Variants in CACNA2D4 observed in about 807,000 individuals in gnomAD.
CACNA2D4 encodes calcium voltage-gated channel auxiliary subunit alpha2delta 4.
A neutral mutation model predicts 163.8 loss-of-function variants in CACNA2D4; 157 were observed. The ratio of observed to expected loss-of-function variants is 0.96; its 90% confidence interval spans 0.84 to 1.09. The LOEUF (loss-of-function observed/expected upper bound fraction) is 1.09. Among genes scored for constraint, CACNA2D4 ranks in the 50% least tolerant of loss-of-function variants. The pLI is 0.00. For synonymous variants in CACNA2D4, 598 were observed against 586.9 expected (o/e 1.02, Z -0.27); for missense variants, 1,410 against 1,479.9 (o/e 0.95, Z 0.78).
rs1863226025 is a variant in CACNA2D4, at chr12:1,799,136, C to T, written c.2995+539G>A. Among the ~76,000 whole-genome samples the T allele has an allele frequency of 6.6e-6, 1 of 152,118 alleles. No individual in the cohort carries two copies. Among genetic ancestry groups the T allele is most frequent in the African/African-American group, 2.4e-5 (1 of 41,418 alleles). On this transcript the variant is annotated intron_variant, in intron 34 of 37. Transcript: ENST00000382722. The surrounding 1 kb of genome is among the most constrained non-coding windows in gnomAD (Gnocchi z 4.7). ...CTGCAGTCATGGAGGGCCCAGGCGCCCGGGCAGTGAGTGCTTTGAAAGGCC... is the reference window on the plus strand; with the variant it reads ...CTGCAGTCATGGAGGGCCCAGGCGCTCGGGCAGTGAGTGCTTTGAAAGGCC...
chr12:1,884,911 A>G, intron 10 of CACNA2D4, 30 bp from the exon 11 acceptor site: 1 of 1,605,752 alleles, frequency 6.2e-7, no homozygotes, highest in Non-Finnish European at 8.5e-7. Flanking sequence ...GCCCATGACC[A>G]CAGGCCAAGC....
intron 26 of CACNA2D4, among the ~76,000 whole-genome samples, chr12:1,816,128 G>A (rs555175415): frequency 2.6e-5 from 4 of 152,278 alleles, no homozygotes; most frequent in South Asian, 2.1e-4. Context: ...TGCTCTGCTC[G>A]TTCAGGTGAG....
intron 6 of CACNA2D4, among the ~76,000 whole-genome samples, chr12:1,901,324 A>C (rs894027829): frequency 4.6e-5 from 7 of 152,122 alleles, no homozygotes; most frequent in African/African-American, 1.7e-4. Flanking sequence ...AAAAGTTAGT[A>C]GAAGAAAAGA....
intron 26 of CACNA2D4, chr12:1,823,364 A>T (rs1864186606): frequency 6.6e-6 from 1 of 152,228 alleles, no homozygotes; most frequent in Non-Finnish European, 1.5e-5. Context: ...AGGTGCATGG[A>T]GCGGTCCAGG....
intron 37 of CACNA2D4, chr12:1,795,051 C>G: frequency 1.7e-6 from 1 of 582,452 alleles, no homozygotes; most frequent in East Asian, 2.8e-5. Flanking sequence ...ATGCACCTAT[C>G]ACCCTAATCA....
At position 1,884,993 on chromosome 12, in the gene CACNA2D4, C is replaced by T; in HGVS notation, c.1152G>A (p.Leu384=). 6.2e-7 allele frequency: 1 copy of T among 1,613,762 alleles called. No individual in the cohort carries two copies. Among genetic ancestry groups the T allele is most frequent in the Non-Finnish European group, 8.5e-7 (1 of 1,179,666 alleles). The change falls in exon 10 of 38, where the codon CTG becomes CTA. Residue 384 remains leucine (L), a synonymous_variant. Transcript: ENST00000382722. ...DQALREAFQI[L]KQFQEAKQGS... The stretch of plus-strand genomic sequence containing the variant: ...GCCTCATTACAGTGGGCACCTGCTT[C>T]AGGATCTGGAAGGCTTCTCTCAGGG...
chr12:1,794,133 C>T (rs554160176), intron 37 of CACNA2D4, among the ~76,000 whole-genome samples: 5 of 152,308 alleles, frequency 3.3e-5, no homozygotes, highest in Non-Finnish European at 7.3e-5. Flanking sequence ...GTACCAGCCA[C>T]TATGACTATT....
At chr12:1,905,261 T>C (rs754929137) in intron 6 of CACNA2D4, among the ~76,000 whole-genome samples, 28 of 152,230 alleles carry the variant, frequency 1.8e-4, no homozygotes, top group Non-Finnish European at 3.7e-4. Flanking sequence ...TCATACTCTA[T>C]GGTGAAAGAC....
At chr12:1,852,209 C>T (rs1229581410) in intron 23 of CACNA2D4, among the ~76,000 whole-genome samples, 1 of 152,116 alleles carries the variant, frequency 6.6e-6, no homozygotes, top group African/African-American at 2.4e-5. Context: ...ATTCTAATTG[C>T]CTCTGCTTGC....
rs377423092 is a variant in CACNA2D4 at position 1,858,640 on chromosome 12, C to T, written c.1945G>A (p.Gly649Arg). ...TDISDTPFSL[G>R]VVLSRGHGEY... ...CCGTGGCCCCGGGACAGCACCACCC[C>T]CAAACTGTGGGGAGAGAAGAGAAGG... is the stretch of plus-strand genomic sequence containing the variant. Residue 649 changes from glycine to arginine, a missense_variant, in exon 20 of 38, where the codon GGG (glycine) becomes AGG (arginine). By Grantham distance (125) the Gly-to-Arg change is moderately radical. Transcript: ENST00000382722. 53 of 1,600,652 alleles carry T rather than the reference C, an allele frequency of 3.3e-5. No individual in the cohort carries two copies. Among genetic ancestry groups the T allele is most frequent in the Non-Finnish European group, 4.4e-5 (52 of 1,172,974 alleles).
chr12:1,877,386 T>C (rs774156813), intron 16 of CACNA2D4, among the ~76,000 whole-genome samples: 5 of 152,156 alleles, frequency 3.3e-5, no homozygotes, highest in Non-Finnish European at 5.9e-5. Flanking sequence ...GAGTGACATG[T>C]TATGGGCTCA....
intron 3 of CACNA2D4, among the ~76,000 whole-genome samples, chr12:1,911,087 A>T (rs1866804850): frequency 6.9e-6 from 1 of 144,312 alleles, no homozygotes; most frequent in African/African-American, 2.6e-5. Context: ...GTGGTGGTGC[A>T]ATCTCGGCTC....
In CACNA2D4 at chr12:1,868,753, A is replaced by G. The variant is rs139053165; in HGVS notation, c.1878+5851T>C. On this transcript the variant is annotated intron_variant, in intron 18 of 37. Transcript: ENST00000382722. ...AAGTACAGTTGGTCCTCCCATATCC[A>G]CAGGTTCCACATCCCTGGATTCGAT... Among the ~76,000 whole-genome samples, 18 of 152,258 alleles carry G rather than the reference A, an allele frequency of 1.2e-4. No individual in the cohort carries two copies. In the East Asian group the frequency reaches 3.5e-3, roughly 29 times the overall value.
intron 6 of CACNA2D4, among the ~76,000 whole-genome samples, chr12:1,902,161 A>T (rs2154451278): frequency 6.6e-6 from 1 of 150,622 alleles, no homozygotes; most frequent in African/African-American, 2.5e-5. Context: ...AAAATTCAAC[A>T]TTTCTTCATG....
chr12:1,844,609 A>C lies in CACNA2D4; in HGVS notation c.2343-80T>G. ...TCTTTCCTTTTCTCACACAAGGTCA[A>C]CTTGGCTGGGCTAAGAGAGTGATTT... On this transcript the variant is annotated intron_variant, in intron 24 of 37. Transcript: ENST00000382722. The surrounding 1 kb of genome is among the most constrained non-coding windows in gnomAD (Gnocchi z 4.2). 2 of 1,496,550 alleles carry C rather than the reference A, an allele frequency of 1.3e-6. No homozygotes were observed. Among genetic ancestry groups the C allele is most frequent in the Admixed American group, 1.8e-5 (1 of 55,970 alleles). The allele number at this position is 1,496,550 out of a possible 1,614,324, so 92.7% of individuals were successfully genotyped here. A position where few individuals can be genotyped will look rare whatever the true frequency, so the allele number is the denominator to read the frequency against.
At position 1,833,498 on chromosome 12, in the gene CACNA2D4, C is replaced by A. The variant is rs1864720371; in HGVS notation, c.2551+7241G>T. ...AAGACATCCTGGCGAGCCCGTGCGC[C>A]CAGGTACCCACACCTCCTCATCAAC... is the stretch of plus-strand genomic sequence containing the variant. On this transcript the variant is annotated intron_variant, in intron 26 of 37. Coordinates refer to ENST00000382722, the MANE Select transcript of CACNA2D4 (RefSeq NM_172364.5). The surrounding 1 kb of genome is among the most constrained non-coding windows in gnomAD (Gnocchi z 4.2). Among the ~76,000 whole-genome samples the A allele has an allele frequency of 6.6e-6, 1 of 152,166 alleles. No homozygotes were observed. Among genetic ancestry groups the A allele is most frequent in the African/African-American group, 2.4e-5 (1 of 41,424 alleles).
chr12:1,901,070 T>C (rs1468078236), intron 6 of CACNA2D4, among the ~76,000 whole-genome samples: 1 of 152,032 alleles, frequency 6.6e-6, no homozygotes, highest in Non-Finnish European at 1.5e-5. Flanking sequence ...TACAGAAACA[T>C]GGAAATTAAA....
At chr12:1,899,250 T>C (rs1168797005) in intron 6 of CACNA2D4, among the ~76,000 whole-genome samples, 1 of 152,034 alleles carries the variant, frequency 6.6e-6, no homozygotes, top group Non-Finnish European at 1.5e-5. Context: ...GCTATGTGTC[T>C]CATTTAAGAA....
rs1381106735 is a variant in CACNA2D4 at position 1,802,330 on chromosome 12, T to G, written c.2722-686A>C. Among the ~76,000 whole-genome samples, 1 of 152,180 alleles carries G rather than the reference T, an allele frequency of 6.6e-6. No homozygotes were observed. The highest frequency in any genetic ancestry group is 1.5e-5 in the Non-Finnish European group (1 of 68,022). On this transcript the variant is annotated intron_variant, in intron 29 of 37. Coordinates refer to ENST00000382722, the MANE Select transcript of CACNA2D4 (RefSeq NM_172364.5). This position sits in a 1 kb window ranked among gnomAD's most constrained non-coding sequence, Gnocchi z 4.7. ...CCCTGTGGCACTGCCAGAGTCATCT[T>G]ACTCAAATGCAACATGGATGGGTCA...
Sources: allele counts gnomAD v4.1 joint callset (sites outside exome capture counted in the v4.1 genomes callset), GRCh38; gene constraint gnomAD v4.1.1; non-coding constraint Gnocchi (gnomAD v3.1); transcripts MANE v1.5; gene names NCBI Gene and HGNC (gene_info 2026-07-23, HGNC 2026-07-21).